Variants in ZNF516 observed in about 807,000 individuals in gnomAD.
ZNF516 encodes the protein zinc finger protein 516.
ZNF516 carries 19 observed loss-of-function variants against 79.7 expected under a neutral mutation model. The ratio of observed to expected loss-of-function variants is 0.24; its 90% CI spans 0.17 to 0.35. ZNF516 has a LOEUF of 0.35. Among genes scored for constraint, ZNF516 ranks in the 10% least tolerant of loss-of-function variants. The pLI is 1.00. For missense variants in ZNF516, 1,678 were observed against 1,679.5 expected, an observed-to-expected ratio of 1.00 and a Z score of 0.02; for synonymous variants, 877 against 739.5, an observed-to-expected ratio of 1.19 and a Z score of -3.02.
In ZNF516 at chr18:76,370,550, G is replaced by C. The variant is rs763708619; in HGVS notation, c.3410C>G (p.Thr1137Ser). Residue 1137 changes from threonine to serine, a missense_variant, in exon 6 of 7, where the codon ACC becomes AGC. Physicochemically the swap from Thr to Ser is moderately conservative, Grantham distance 58 (BLOSUM62 1). This residue lies in a region of ZNF516 where 1,294 missense variants were observed against 1,248.3 expected (regional missense o/e 1.04). Coordinates refer to ENST00000443185, the MANE Select transcript of ZNF516 (RefSeq NM_014643.4). ...TACTTGTTTGGGGGCGTCTGCGGAG[G>C]TGGTATGAACTTCAGAACCCCGAGG... The part of the protein sequence containing the change: ...DGPRGSEVHT[T>S]SADAPKQGRD... 3 of 1,608,606 alleles carry C rather than the reference G, an allele frequency of 1.9e-6. No individual in the cohort carries two copies. In the Admixed American group the frequency reaches 5.1e-5, roughly 27 times the overall value.
At chr18:76,491,481 G>A (rs1915206298) in intron 1 of ZNF516, among the ~76,000 whole-genome samples, 1 of 146,170 alleles carries the variant, frequency 6.8e-6, no homozygotes, top group Admixed American at 6.7e-5. Flanking sequence ...TTGGGCTGTG[G>A]GTCCGTCTCT....
chr18:76,490,216 A>C (rs1328900721), intron 1 of ZNF516: 5 of 985,132 alleles, frequency 5.1e-6, no homozygotes, highest in Non-Finnish European at 4.8e-6. Flanking sequence ...ACGTCCTCCT[A>C]CAAGTAACCC....
At chr18:76,366,828 T>C (rs1404421252) in intron 6 of ZNF516, among the ~76,000 whole-genome samples, 1 of 152,230 alleles carries the variant, frequency 6.6e-6, no homozygotes, top group African/African-American at 2.4e-5. Flanking sequence ...ACCATTATCA[T>C]TATTTTACAG....
At chr18:76,383,741 G>T (rs1399294555) in intron 3 of ZNF516, among the ~76,000 whole-genome samples, 2 of 152,320 alleles carry the variant, frequency 1.3e-5, no homozygotes, top group East Asian at 3.9e-4. Flanking sequence ...AGCCTCTAGT[G>T]AGCTCCCGAT....
chr18:76,461,431 C>T (rs1274396313), intron 2 of ZNF516, among the ~76,000 whole-genome samples: 1 of 152,164 alleles, frequency 6.6e-6, no homozygotes, highest in Non-Finnish European at 1.5e-5. Context: ...CCAAGAGGGC[C>T]CAGGGGACCA....
chr18:76,487,831 T>C (rs1914916185), intron 1 of ZNF516: 1 of 642,954 alleles, frequency 1.6e-6, no homozygotes, highest in African/African-American at 2.0e-5. Flanking sequence ...CTGTCTCCTC[T>C]ATGGCCCCTA....
chr18:76,410,487 C>T (rs187234959), intron 3 of ZNF516, among the ~76,000 whole-genome samples: 12 of 152,170 alleles, frequency 7.9e-5, no homozygotes, highest in East Asian at 1.9e-4. Flanking sequence ...GAACAGGTCC[C>T]GAAGCTCGCG....
intron 3 of ZNF516, among the ~76,000 whole-genome samples, chr18:76,436,561 G>A (rs544971511): frequency 1.3e-5 from 2 of 152,212 alleles, no homozygotes; most frequent in South Asian, 2.1e-4. Flanking sequence ...ACTCAGCATC[G>A]CGAGTGGATT....
In ZNF516 at chr18:76,379,590, C is replaced by G; in HGVS notation, c.2524G>C (p.Gly842Arg). The change falls in exon 4 of 7, where the codon GGG (glycine) becomes CGG (arginine). Residue 842 changes from glycine (G) to arginine (R), a missense_variant. Physicochemically the swap from Gly to Arg is moderately radical, Grantham distance 125. Coordinates refer to ENST00000443185, the MANE Select transcript of ZNF516 (RefSeq NM_014643.4). ...CCACTTTTGGACCCCGGCATCCCCC[C>G]TGGCACCTGAGTGCGGGTGAACCGA... is the stretch of plus-strand genomic sequence containing the variant. Reference protein sequence around the residue: ...LARFTRTQVPGGMPGSKSGSS... With the variant: ...LARFTRTQVPRGMPGSKSGSS... 2 of 1,613,668 alleles carry G rather than the reference C, an allele frequency of 1.2e-6. No individual in the cohort carries two copies.
At position 76,380,303 on chromosome 18, in the gene ZNF516, C is replaced by T. The variant is rs762984284; in HGVS notation, c.1811G>A (p.Gly604Glu). Residue 604 changes from glycine to glutamate, a missense_variant and splice_region_variant, in exon 4 of 7, where the codon GGG (glycine) becomes GAG (glutamate). By Grantham distance (98) the Gly-to-Glu change is moderately conservative. Transcript: ENST00000443185. ...GEEGAPEPAP[G>E]GQPRRCCFSE... The stretch of plus-strand genomic sequence containing the variant: ...AAAGCAGCAGCGGCGCGGCTGTCCC[C>T]CTAGAGGAGGCAAAATATGAAACGG... 1 of 1,610,606 alleles carries T rather than the reference C, an allele frequency of 6.2e-7. No individual in the cohort carries two copies. The highest frequency in any genetic ancestry group is 8.5e-7 in the Non-Finnish European group (1 of 1,177,916).
intron 3 of ZNF516, chr18:76,385,711 T>C (rs2074977102): frequency 6.6e-6 from 1 of 152,112 alleles, no homozygotes; most frequent in African/African-American, 2.4e-5. Flanking sequence ...GCAGCAAGCA[T>C]GGGTCTGCGC....
chr18:76,490,230 T>C (rs1397394104), intron 1 of ZNF516: 3 of 984,400 alleles, frequency 3.0e-6, no homozygotes, highest in African/African-American at 3.5e-5. Flanking sequence ...GTAACCCAAC[T>C]CTCAAACCCC....
At chr18:76,406,130 G>A (rs1323624217) in intron 3 of ZNF516, among the ~76,000 whole-genome samples, 1 of 152,192 alleles carries the variant, frequency 6.6e-6, no homozygotes, top group Non-Finnish European at 1.5e-5. Context: ...CTCCTCCGGA[G>A]GCACCGCCCG....
intron 1 of ZNF516, chr18:76,492,883 G>T: frequency 1.0e-6 from 1 of 985,662 alleles, no homozygotes; most frequent in Non-Finnish European, 1.2e-6. Flanking sequence ...GCGTGTCCAC[G>T]TCTACATCAC....
intron 3 of ZNF516, among the ~76,000 whole-genome samples, chr18:76,402,881 G>A (rs1207028575): frequency 2.6e-5 from 4 of 152,220 alleles, no homozygotes; most frequent in African/African-American, 9.7e-5. Flanking sequence ...TCCCATGCTG[G>A]CAGCTGCTGT....
At chr18:76,474,221 G>C (rs1204389051) in intron 1 of ZNF516, among the ~76,000 whole-genome samples, 3 of 152,146 alleles carry the variant, frequency 2.0e-5, no homozygotes, top group African/African-American at 7.2e-5. Context: ...GTAAGAAACA[G>C]ACAGCTTGAA....
intron 3 of ZNF516, among the ~76,000 whole-genome samples, chr18:76,409,225 T>A (rs1036983148): frequency 3.3e-5 from 5 of 152,244 alleles, no homozygotes; most frequent in African/African-American, 9.6e-5. Context: ...CACAGATATG[T>A]TTTGTACATT....
chr18:76,384,368 GTT>G (rs1568246105), intron 3 of ZNF516, among the ~76,000 whole-genome samples: 7 of 113,172 alleles, frequency 6.2e-5, no homozygotes, highest in African/African-American at 1.7e-4. Context: ...CCCCTCCACG[GTT>G]CCGACACCCC....
chr18:76,479,327 G>C (rs1056170310), intron 1 of ZNF516, among the ~76,000 whole-genome samples: 1 of 152,202 alleles, frequency 6.6e-6, no homozygotes, highest in Non-Finnish European at 1.5e-5. Flanking sequence ...AACCACAACA[G>C]AAATTGTTCG....
Sources: allele counts gnomAD v4.1 joint callset (sites outside exome capture counted in the v4.1 genomes callset), GRCh38; gene constraint gnomAD v4.1.1; regional missense constraint gnomAD v4.1.1; transcripts MANE v1.5; gene names NCBI Gene and HGNC (gene_info 2026-07-23, HGNC 2026-07-21).